SLC8A2: variants seen among roughly 807,000 people sequenced by gnomAD.
SLC8A2 encodes sodium/calcium exchanger 2.
Under a neutral mutation model 70.2 loss-of-function variants are expected in SLC8A2, and 14 were observed. The observed-to-expected ratio is 0.20, with a 90% CI of 0.13 to 0.31. The LOEUF (loss-of-function observed/expected upper bound fraction) is 0.31, where lower values mean the gene tolerates loss of function less well. Ranked by LOEUF, SLC8A2 falls within the 10% of genes least tolerant of loss-of-function variation. The pLI is 1.00. For synonymous variants in SLC8A2, 575 were observed against 594.3 expected, an observed-to-expected ratio of 0.97 and a Z score of 0.47; for missense variants, 779 against 1,320.1, an observed-to-expected ratio of 0.59 and a Z score of 6.35.
intron 4 of SLC8A2, among the ~76,000 whole-genome samples, chr19:47,444,897 C>A (rs891227525): frequency 6.6e-6 from 1 of 152,190 alleles, no homozygotes; most frequent in Non-Finnish European, 1.5e-5. Flanking sequence ...CAGACCCAGT[C>A]TCCTCATCCT....
At chr19:47,444,970 G>C (rs889897644) in intron 4 of SLC8A2, among the ~76,000 whole-genome samples, 1 of 151,968 alleles carries the variant, frequency 6.6e-6, no homozygotes, top group African/African-American at 2.4e-5. Context: ...TCCTTCCCTG[G>C]GTCAGTCTCT....
At chr19:47,431,942 G>C in intron 9 of SLC8A2, 2 of 437,562 alleles carry the variant, frequency 4.6e-6, no homozygotes, top group Non-Finnish European at 8.1e-6. Flanking sequence ...TGCTACCTTA[G>C]TTTTATGGGA....
intron 4 of SLC8A2, among the ~76,000 whole-genome samples, chr19:47,444,816 C>T (rs1455793233): frequency 1.3e-5 from 2 of 152,122 alleles, no homozygotes; most frequent in Non-Finnish European, 2.9e-5. Context: ...AGCAGATTTC[C>T]TCCCCAGCCT....
At chr19:47,452,437 A>G (rs1195668683) in intron 3 of SLC8A2, among the ~76,000 whole-genome samples, 13 of 87,326 alleles carry the variant, frequency 1.5e-4, no homozygotes, top group Admixed American at 3.8e-4. Flanking sequence ...AGAGAGAGAG[A>G]GAGAGAGAGT....
rs748426497 is a variant in SLC8A2, at chr19:47,430,472, G to T, written c.2390-7C>A. 6.3e-7 allele frequency: 1 copy of T among 1,592,102 alleles called. No homozygotes were observed. Among genetic ancestry groups the T allele is most frequent in the Non-Finnish European group, 8.5e-7 (1 of 1,172,278 alleles). On this transcript the variant is annotated splice_region_variant and splice_polypyrimidine_tract_variant and intron_variant, in intron 9 of 9. Transcript: ENST00000236877. This position sits in a 1 kb window ranked among gnomAD's most constrained non-coding sequence, Gnocchi z 5.9. Reference sequence around the variant, plus strand: ...ACCTTGCTGGCGAACGTGTCTGCGAGGCAGAGACATACAGGTCGGAGGGGC... The same window carrying T: ...ACCTTGCTGGCGAACGTGTCTGCGATGCAGAGACATACAGGTCGGAGGGGC...
rs199554445 is a variant in SLC8A2 at position 47,457,818 on chromosome 19, T to C, written c.676-224A>G. On this transcript the variant is annotated intron_variant, in intron 2 of 9. Coordinates refer to ENST00000236877, the MANE Select transcript of SLC8A2 (RefSeq NM_015063.3). Reference sequence around the variant, plus strand: ...TTTCTCTTCCTTCCTTTCTTCCTTCTTTCTCTCTCTCTTTCTTTCTTTCTT... The same window carrying C: ...TTTCTCTTCCTTCCTTTCTTCCTTCCTTCTCTCTCTCTTTCTTTCTTTCTT... Among the ~76,000 whole-genome samples the C allele has an allele frequency of 5.0e-4, 54 of 108,476 alleles. 1 individual carries two copies. Among genetic ancestry groups the C allele is most frequent in the South Asian group, 3.3e-3 (11 of 3,370 alleles). 71.2% of individuals were successfully genotyped at this position (108,476 alleles called of 152,430 possible).
Position 47,451,500 on chromosome 19 carries a change from G to T in SLC8A2, c.1341-3269C>A, listed in dbSNP as rs538756856. ...ATTTTTATACTTTTGGTAGACATGG[G>T]GTTTTGCCATGTTGCCCAGGCTGGT... On this transcript the variant is annotated intron_variant, in intron 3 of 9. Coordinates refer to ENST00000236877, the MANE Select transcript of SLC8A2 (RefSeq NM_015063.3). 2.3e-3 allele frequency among the ~76,000 whole-genome samples: 354 copies of T among 152,124 alleles called. 2 individuals carry two copies. Among genetic ancestry groups the T allele is most frequent in the Non-Finnish European group, 4.1e-3 (281 of 68,016 alleles).
At chr19:47,442,066 C>A (rs1272575295) in intron 4 of SLC8A2, among the ~76,000 whole-genome samples, 1 of 152,148 alleles carries the variant, frequency 6.6e-6, no homozygotes, top group South Asian at 2.1e-4. Context: ...CATGCCACTG[C>A]ACTCCAGCCT....
chr19:47,439,320 G>T (rs1456472491), intron 6 of SLC8A2, among the ~76,000 whole-genome samples: 1 of 152,122 alleles, frequency 6.6e-6, no homozygotes, highest in African/African-American at 2.4e-5. Context: ...CTGAGGTCAG[G>T]AGTTCGAGAC....
At chr19:47,431,993 C>T (rs1277556530) in intron 9 of SLC8A2, 174 bp downstream of exon 9, 1 of 559,404 alleles carries the variant, frequency 1.8e-6, no homozygotes, top group Non-Finnish European at 3.1e-6. Flanking sequence ...CAATTCACAT[C>T]TTGCACCTAG....
In SLC8A2 at chr19:47,432,315, G is replaced by A. The variant is rs7259674; in HGVS notation, c.2241C>T (p.His747=). 0.12 allele frequency: 186,827 copies of A among 1,613,776 alleles called. 11,449 individuals are homozygous for A. The highest frequency in any genetic ancestry group is 0.13 in the Middle Eastern group (803 of 6,060). Residue 747 remains histidine, a synonymous_variant, in exon 9 of 10, where the codon CAC becomes CAT. Coordinates refer to ENST00000236877, the MANE Select transcript of SLC8A2 (RefSeq NM_015063.3). The surrounding 1 kb of genome is among the most constrained non-coding windows in gnomAD (Gnocchi z 6.2). The part of the protein sequence containing the change: ...FACVPPTEYC[H]GWACFGVSIL... Reference sequence around the variant, plus strand: ...TGGAGACACCAAAGCAGGCCCAGCCGTGGCAGTACTCGGTGGGGGGCACAC... The same window carrying A: ...TGGAGACACCAAAGCAGGCCCAGCCATGGCAGTACTCGGTGGGGGGCACAC...
chr19:47,450,586 G>T (rs557993187), intron 3 of SLC8A2, among the ~76,000 whole-genome samples: 4 of 152,102 alleles, frequency 2.6e-5, no homozygotes, highest in Non-Finnish European at 4.4e-5. Flanking sequence ...GAGAGGGACC[G>T]CAAGGTTCTG....
At position 47,439,603 on chromosome 19, in the gene SLC8A2, C is replaced by CTTCCTTCCTTTCTTCCTTCCTTCCTTCCT. The variant is rs1555747516; in HGVS notation, c.1885+1565_1885+1566insAGGAAGGAAGGAAGGAAGAAAGGAAGGAA. Among the ~76,000 whole-genome samples the CTTCCTTCCTTTCTTCCTTCCTTCCTTCCT allele has an allele frequency of 3.0e-3, 203 of 68,558 alleles. 2 individuals carry two copies. The highest frequency in any genetic ancestry group is 0.016 in the African/African-American group (193 of 11,952). The allele number at this position is 68,558 out of a possible 152,430, so 45.0% of individuals were successfully genotyped here. ...AAATAACTTTTTTTCTCTCTTCTCC[C>CTTCCTTCCTTTCTTCCTTCCTTCCTTCCT]TCCTTCCTTCCTTTCTTCCTTCCTT... On this transcript the variant is annotated intron_variant, in intron 6 of 9. Coordinates refer to ENST00000236877, the MANE Select transcript of SLC8A2 (RefSeq NM_015063.3).
intron 4 of SLC8A2, among the ~76,000 whole-genome samples, chr19:47,445,019 G>A (rs574226905): frequency 6.7e-6 from 1 of 148,722 alleles, no homozygotes; most frequent in South Asian, 2.1e-4. Flanking sequence ...CCATCTCTCT[G>A]CCTTTCAGTC....
In SLC8A2 at chr19:47,447,574, C is replaced by T; in HGVS notation, c.1763+235G>A. ...CACTTTGGAGAACGATTCACTCAGG[C>T]CCCTCTCCTCCTGAGGGCCCAGCTG... On this transcript the variant is annotated intron_variant, in intron 4 of 9. Coordinates refer to ENST00000236877, the MANE Select transcript of SLC8A2 (RefSeq NM_015063.3). This position sits in a 1 kb window ranked among gnomAD's most constrained non-coding sequence, Gnocchi z 5.1. 1.8e-6 allele frequency: 1 copy of T among 541,700 alleles called. No individual in the cohort carries two copies. The highest frequency in any genetic ancestry group is 3.2e-6 in the Non-Finnish European group (1 of 310,832). 33.6% of individuals were successfully genotyped at this position (541,700 alleles called of 1,614,324 possible).
At chr19:47,469,835 A>C (rs1967510933) in intron 1 of SLC8A2, among the ~76,000 whole-genome samples, 1 of 152,204 alleles carries the variant, frequency 6.6e-6, no homozygotes, top group Non-Finnish European at 1.5e-5. Flanking sequence ...ACCGTCTCCC[A>C]GGGCCATCTC....
rs1457956297 is a variant in SLC8A2, at chr19:47,448,225, G to T, written c.1347C>A (p.Gly449=). The change falls in exon 4 of 10, where the codon GGC becomes GGA. Residue 449 remains glycine (G), a synonymous_variant. Transcript: ENST00000236877. This position sits in a 1 kb window ranked among gnomAD's most constrained non-coding sequence, Gnocchi z 4.8. ...TCTCGCCTGGTTTGAACACCAGCGT[G>T]CCCTCGCTGCGGCGGGGTGGGGAGG... ...KAGSDYEYSE[G]TLVFKPGETQ... The T allele has an allele frequency of 1.9e-6, 3 of 1,592,234 alleles. No individual in the cohort carries two copies. In the African/African-American group the frequency reaches 4.0e-5, roughly 21 times the overall value.
chr19:47,461,884 G>T (rs1352276435), intron 2 of SLC8A2, among the ~76,000 whole-genome samples: 1 of 152,180 alleles, frequency 6.6e-6, no homozygotes, highest in Admixed American at 6.5e-5. Flanking sequence ...TGTCCAGCCT[G>T]GGAGGGCACT....
Position 47,430,080 on chromosome 19 carries a change from C to A in SLC8A2, c.*9G>T, listed in dbSNP as rs747983125. On this transcript the variant is annotated 3_prime_UTR_variant, in exon 10 of 10. Coordinates refer to ENST00000236877, the MANE Select transcript of SLC8A2 (RefSeq NM_015063.3). The surrounding 1 kb of genome is among the most constrained non-coding windows in gnomAD (Gnocchi z 5.9). ...GGCGGGCGGTGGGGACGAGTCTCTG[C>A]GCGAGGCCCTAGAAGCCCCGGATGT... The A allele has an allele frequency of 5.7e-6, 9 of 1,575,070 alleles. No individual in the cohort carries two copies. The highest frequency in any genetic ancestry group is 7.8e-6 in the Non-Finnish European group (9 of 1,160,088).
Sources: allele counts gnomAD v4.1 joint callset (sites outside exome capture counted in the v4.1 genomes callset), GRCh38; gene constraint gnomAD v4.1.1; non-coding constraint Gnocchi (gnomAD v3.1); transcripts MANE v1.5; gene names NCBI Gene and HGNC (gene_info 2026-07-23, HGNC 2026-07-21).